Variants in DOP1A observed in about 807,000 individuals in gnomAD.
The protein encoded by DOP1A is DOP1 leucine zipper like protein A.
A neutral mutation model predicts 267.6 loss-of-function variants in DOP1A; 90 were observed. The ratio of observed to expected loss-of-function variants is 0.34; its 90% CI spans 0.28 to 0.40. DOP1A has a LOEUF of 0.40. Ranked by LOEUF, DOP1A falls within the 10% of genes least tolerant of loss-of-function variation. DOP1A has a pLI of 1.00. For missense variants in DOP1A, 2,437 were observed against 2,900.4 expected (o/e 0.84, Z 3.67); for synonymous variants, 932 against 999.1 (o/e 0.93, Z 1.27).
chr6:83,170,455 G>A (rs1786868061), downstream of DOP1A: 2 of 1,613,966 alleles, frequency 1.2e-6, no homozygotes, highest in Non-Finnish European at 1.7e-6. Context: ...CATCGGTAGT[G>A]CTAATAACTC....
intron 37 of DOP1A, among the ~76,000 whole-genome samples, chr6:83,162,536 AATG>A (rs1203979225): frequency 6.6e-6 from 1 of 152,210 alleles, no homozygotes; most frequent in African/African-American, 2.4e-5. Flanking sequence ...TGAAAAAAGT[AATG>A]ATGAGTACTT....
intron 4 of DOP1A, among the ~76,000 whole-genome samples, chr6:83,104,025 T>C (rs1006539119): frequency 2.0e-5 from 3 of 152,110 alleles, no homozygotes; most frequent in African/African-American, 7.3e-5. Flanking sequence ...AAAGTTTTTT[T>C]TAGTTTAATG....
rs7742264 is a variant in DOP1A, at chr6:83,158,750, G to A, written c.6797+128G>A. ...TATTTATTATTATCTAATTGATTAC[G>A]TTTGGATATAATGTAGTTTTACTTA... On this transcript the variant is annotated intron_variant, in intron 36 of 38. Transcript: ENST00000349129. 1.2e-3 allele frequency: 853 copies of A among 695,114 alleles called. 4 individuals carry two copies. In the African/African-American group the frequency reaches 0.014, roughly 11 times the overall value. The allele number at this position is 695,114 out of a possible 1,614,324, so 43.1% of individuals were successfully genotyped here. A position where few individuals can be genotyped will look rare whatever the true frequency, so the allele number is the denominator to read the frequency against.
At position 83,168,035 on chromosome 6, in the gene DOP1A, T is replaced by C; in HGVS notation, c.7266T>C (p.Pro2422=). The C allele has an allele frequency of 1.2e-6, 2 of 1,614,184 alleles. No individual in the cohort carries two copies. The highest frequency in any genetic ancestry group is 1.3e-5 in the African/African-American group (1 of 75,058). The change falls in exon 39 of 39, where the codon CCT becomes CCC. Residue 2422 remains proline, a synonymous_variant. Coordinates refer to ENST00000349129, the MANE Select transcript of DOP1A (RefSeq NM_015018.4). ...GATGTGGAGGACACTCAGGGAGTCC[T>C]ATCCTCTACTCAAATGCCTTCCCTA... The part of the protein sequence containing the change: ...TSRCGGHSGS[P]ILYSNAFPNK...
rs530888877 is a variant in DOP1A at position 83,145,408 on chromosome 6, C to A, written c.5542-116C>A. The A allele has an allele frequency of 2.8e-4, 257 of 918,386 alleles. 2 individuals are homozygous for A. The African/African-American group carries it at 4.3e-3, about 15-fold the overall frequency. 56.9% of individuals were successfully genotyped at this position (918,386 alleles called of 1,614,324 possible). A position where few individuals can be genotyped will look rare whatever the true frequency, so the allele number is the denominator to read the frequency against. ...GACCAGGCTGGGCAAAATAGCAAGA[C>A]CTCATCTCCATTTAAAAAATATAAA... On this transcript the variant is annotated intron_variant, in intron 24 of 38. Transcript: ENST00000349129.
At chr6:83,123,827 G>A (rs1776717964) in intron 12 of DOP1A, among the ~76,000 whole-genome samples, 1 of 151,550 alleles carries the variant, frequency 6.6e-6, no homozygotes, top group African/African-American at 2.4e-5. Context: ...GTATTTTTTT[G>A]CCGCCTGGCC....
chr6:83,142,435 G>A (rs1779807790), intron 24 of DOP1A, among the ~76,000 whole-genome samples: 1 of 152,102 alleles, frequency 6.6e-6, no homozygotes, highest in Non-Finnish European at 1.5e-5. Context: ...TTGAACCTGG[G>A]AGGCGGAGGT....
intron 4 of DOP1A, among the ~76,000 whole-genome samples, chr6:83,105,301 TAAAG>T (rs980745444): frequency 3.3e-5 from 5 of 150,304 alleles, no homozygotes; most frequent in African/African-American, 1.2e-4. Flanking sequence ...AAAATATTAT[TAAAG>T]AGAAGTGAGC....
intron 3 of DOP1A, among the ~76,000 whole-genome samples, chr6:83,099,479 A>T (rs973874956): frequency 1.3e-5 from 2 of 152,122 alleles, no homozygotes; most frequent in Admixed American, 1.3e-4. Flanking sequence ...TCTGTTTCTG[A>T]AGATATACTG....
At chr6:83,136,565 T>C (rs1171657061) in intron 20 of DOP1A, among the ~76,000 whole-genome samples, 4 of 152,154 alleles carry the variant, frequency 2.6e-5, no homozygotes, top group African/African-American at 9.7e-5. Context: ...CAGAGTCTCA[T>C]GGCTATTAAG....
chr6:83,140,573 A>G (rs1262664329), intron 23 of DOP1A, among the ~76,000 whole-genome samples, 170 bp downstream of exon 23: 2 of 152,174 alleles, frequency 1.3e-5, no homozygotes, highest in Non-Finnish European at 2.9e-5. Flanking sequence ...GAATTTGCCC[A>G]TTTTTAAGTA....
chr6:83,134,258 A>G lies in DOP1A; in HGVS notation c.2841A>G (p.Lys947=). The G allele has an allele frequency of 1.2e-6, 2 of 1,612,296 alleles. No homozygotes were observed. Among genetic ancestry groups the G allele is most frequent in the Non-Finnish European group, 1.7e-6 (2 of 1,179,082 alleles). ...TAACGAGAGATCTCCATATAAATAA[A>G]TCTTCATCTTTTGTACGTTCTTTTG... ...WHLTRDLHIN[K]SSSFVRSFDR... is the part of the protein sequence containing the mutation. The change falls in exon 19 of 39, where the codon AAA becomes AAG. Residue 947 remains lysine, a synonymous_variant. Transcript: ENST00000349129.
chr6:83,169,429 AT>A, downstream of DOP1A: 4 of 1,310,142 alleles, frequency 3.1e-6, no homozygotes, highest in Non-Finnish European at 4.2e-6. Flanking sequence ...GTGATTCTTG[AT>A]TTTGTTTCAC....
In DOP1A at chr6:83,168,078, G is replaced by A. The variant is rs1269627091; in HGVS notation, c.7309G>A (p.Glu2437Lys). ...NAFPNKDMKL[E>K]NHKPCSSKAR... ...CTTCCCTAATAAGGACATGAAACTGGAGAACCACAAACCATGTTCCAGCAA... is the reference window on the plus strand; with the variant it reads ...CTTCCCTAATAAGGACATGAAACTGAAGAACCACAAACCATGTTCCAGCAA... Residue 2437 changes from glutamate (E) to lysine (K), a missense_variant, in exon 39 of 39, where the codon GAG becomes AAG. Physicochemically the swap from Glu to Lys is moderately conservative, Grantham distance 56 (BLOSUM62 1). This residue lies in a region of DOP1A where 197 missense variants were observed against 246.5 expected (regional missense o/e 0.80). Transcript: ENST00000349129. The A allele has an allele frequency of 3.1e-6, 5 of 1,614,158 alleles. No individual in the cohort carries two copies. The Middle Eastern group carries it at 4.9e-4, about 160-fold the overall frequency.
intron 1 of DOP1A, among the ~76,000 whole-genome samples, chr6:83,081,401 C>T (rs955339622): frequency 6.6e-6 from 1 of 152,156 alleles, no homozygotes; most frequent in Admixed American, 6.5e-5. Context: ...GCCACCATGC[C>T]CAGCCCTACA....
intron 37 of DOP1A, 146 bp from the exon 38 acceptor site, chr6:83,162,644 C>A: frequency 2.5e-6 from 2 of 813,714 alleles, no homozygotes; most frequent in East Asian, 2.7e-5. Flanking sequence ...GAAACATACC[C>A]AAAGTGACAA....
At chr6:83,116,056 A>G (rs1775383063) in intron 7 of DOP1A, among the ~76,000 whole-genome samples, 2 of 152,136 alleles carry the variant, frequency 1.3e-5, no homozygotes, top group Admixed American at 6.5e-5. Flanking sequence ...ATCTATTGTG[A>G]TTTGTTCTTT....
intron 38 of DOP1A, among the ~76,000 whole-genome samples, 156 bp downstream of exon 38, chr6:83,163,075 A>C (rs547946445): frequency 6.6e-6 from 1 of 152,172 alleles, no homozygotes; most frequent in Non-Finnish European, 1.5e-5. Context: ...CATAAGCCTC[A>C]TATTTCCAGA....
chr6:83,126,867 C>A (rs1055008725), intron 15 of DOP1A, among the ~76,000 whole-genome samples: 1 of 151,980 alleles, frequency 6.6e-6, no homozygotes, highest in African/African-American at 2.4e-5. Flanking sequence ...TTTATTATTG[C>A]CCAAATCAGT....
Sources: gnomAD v4.1 joint callset for allele counts (sites outside exome capture counted in the v4.1 genomes callset) on GRCh38, gnomAD v4.1.1 for gene constraint, gnomAD v4.1.1 regional missense constraint, MANE v1.5 for transcripts, NCBI Gene and HGNC (gene_info 2026-07-23, HGNC 2026-07-21) for gene names.